The following ADGRG2 variants were observed in gnomAD, a reference collection of about 807,000 sequenced individuals.
ADGRG2 encodes adhesion G protein-coupled receptor G2, also known as G protein-coupled receptor 64.
A neutral mutation model predicts 74.1 loss-of-function variants in ADGRG2; 26 were observed. That is an observed-to-expected ratio of 0.35 (90% confidence interval 0.26 to 0.49). The LOEUF is 0.49. ADGRG2 is among the 20% of genes least tolerant of loss of function. ADGRG2 has a pLI of 0.99. For missense variants in ADGRG2, 619 were observed against 763.1 expected (o/e 0.81, Z 2.22); for synonymous variants, 296 against 295.2 (o/e 1.00, Z -0.03).
At chrX:19,044,411 G>A (rs753786905) in intron 3 of ADGRG2, among the ~76,000 whole-genome samples, 1 of 111,609 alleles carries the variant, frequency 9.0e-6, no homozygotes, top group South Asian at 3.8e-4. Context: ...AGTAGTCCAC[G>A]ATAATCTCAT....
At chrX:19,087,143 C>G (rs1471294866) in intron 1 of ADGRG2, among the ~76,000 whole-genome samples, 1 of 111,615 alleles carries the variant, frequency 9.0e-6, no homozygotes, top group Non-Finnish European at 1.9e-5. Context: ...CTGATCAGAC[C>G]CTGCCTAATA....
intron 2 of ADGRG2, among the ~76,000 whole-genome samples, chrX:19,081,807 G>A (rs1298185818): frequency 9.0e-6 from 1 of 111,055 alleles, no homozygotes; most frequent in Admixed American, 9.6e-5. Flanking sequence ...GGGTACAGTG[G>A]CTCAGGCCTG....
chrX:19,103,328 G>A (rs968296786), intron 1 of ADGRG2, among the ~76,000 whole-genome samples: 1 of 111,812 alleles, frequency 8.9e-6, no homozygotes, highest in Non-Finnish European at 1.9e-5. Flanking sequence ...AAAAGGGGAG[G>A]AACTCTCAGT....
chrX:19,010,760 C>T lies in ADGRG2; in HGVS notation c.1118G>A (p.Ser373Asn). The change falls in exon 17 of 29, where the codon AGT (serine) becomes AAT (asparagine). Residue 373 changes from serine to asparagine, a missense_variant. Ser to Asn is a conservative substitution (Grantham distance 46). Transcript: ENST00000379869. ...CACTTGGTTCTCAAGATCAGAAATACTGCTGGTGTTGACGATGTCTATATC... is the reference window on the plus strand; with the variant it reads ...CACTTGGTTCTCAAGATCAGAAATATTGCTGGTGTTGACGATGTCTATATC... ...PVQTDIVNTS[S>N]ISDLENQVLQ... 1 of 1,198,946 alleles carries T rather than the reference C, an allele frequency of 8.3e-7. No individual in the cohort carries two copies. The highest frequency in any genetic ancestry group is 1.1e-6 in the Non-Finnish European group (1 of 887,220).
At chrX:18,995,989 T>C in intron 27 of ADGRG2, 62 bp downstream of exon 27, 1 of 611,549 alleles carries the variant, frequency 1.6e-6, no homozygotes, top group East Asian at 3.3e-5. Context: ...CTTTGGATCT[T>C]AATTTATACA....
intron 2 of ADGRG2, among the ~76,000 whole-genome samples, chrX:19,074,755 GA>G (rs1226595925): frequency 9.4e-6 from 1 of 106,950 alleles, no homozygotes; most frequent in African/African-American, 3.4e-5. Context: ...ATTTTTAGTA[GA>G]GATGGGGTTT....
intron 2 of ADGRG2, among the ~76,000 whole-genome samples, chrX:19,069,704 G>A (rs907799713): frequency 7.2e-5 from 8 of 110,983 alleles, no homozygotes; most frequent in African/African-American, 2.6e-4. Flanking sequence ...GTGCGACTTC[G>A]GAGGAGTTCA....
At chrX:19,081,024 C>T (rs1399165709) in intron 2 of ADGRG2, among the ~76,000 whole-genome samples, 1 of 110,778 alleles carries the variant, frequency 9.0e-6, no homozygotes, top group East Asian at 2.8e-4. Context: ...AAAAACAAGG[C>T]AGATATCTTT....
intron 2 of ADGRG2, among the ~76,000 whole-genome samples, chrX:19,078,740 C>A (rs1305971902): frequency 1.9e-5 from 2 of 105,483 alleles, no homozygotes; most frequent in Admixed American, 2.1e-4. Flanking sequence ...TGAAAAAGTA[C>A]AGCAAAATAA....
intron 1 of ADGRG2, among the ~76,000 whole-genome samples, chrX:19,086,110 T>C (rs1465474207): frequency 9.0e-6 from 1 of 111,587 alleles, no homozygotes; most frequent in Admixed American, 9.5e-5. Flanking sequence ...AGTCCACAGA[T>C]CCCTCCTTGC....
intron 1 of ADGRG2, among the ~76,000 whole-genome samples, chrX:19,117,284 ACT>A (rs1287731117): frequency 9.3e-6 from 1 of 107,380 alleles, no homozygotes; most frequent in Non-Finnish European, 1.9e-5. Context: ...ACAGAGTGAG[ACT>A]CTGTCTCAAA....
At chrX:19,054,071 C>A (rs1256907449) in intron 3 of ADGRG2, among the ~76,000 whole-genome samples, 1 of 111,942 alleles carries the variant, frequency 8.9e-6, no homozygotes, top group African/African-American at 3.2e-5. Context: ...GGGAATACAG[C>A]CAAACCATAT....
chrX:19,023,337 A>G, intron 13 of ADGRG2, 79 bp downstream of exon 13: 1 of 566,805 alleles, frequency 1.8e-6, no homozygotes, highest in Non-Finnish European at 2.8e-6. Context: ...TTGCATTTGC[A>G]ATTTAACTAA....
chrX:19,024,252 G>A (rs906649551), intron 11 of ADGRG2, among the ~76,000 whole-genome samples: 1 of 111,398 alleles, frequency 9.0e-6, no homozygotes, highest in African/African-American at 3.3e-5. Context: ...TCTGGCAGAG[G>A]GTCAGAGGGA....
At chrX:19,040,338 TA>T (rs1299866511) in intron 3 of ADGRG2, 114 bp from the exon 4 acceptor site, 94 of 457,063 alleles carry the variant, frequency 2.1e-4, no homozygotes, top group Middle Eastern at 6.0e-4. Context: ...CTCATGTCAC[TA>T]AAAAAAAGTA....
Position 19,112,574 on chromosome X carries a change from T to C in ADGRG2, c.-47+9868A>G, listed in dbSNP as rs981901738. ...GAAGGATATAATGTCATCCACGCAG[T>C]GTTCAGGCTAAAAATGCATAACCTG... On this transcript the variant is annotated intron_variant, in intron 1 of 28. Coordinates refer to ENST00000379869, the MANE Select transcript of ADGRG2 (RefSeq NM_001079858.3). 2.8e-5 allele frequency among the ~76,000 whole-genome samples: 3 copies of C among 107,536 alleles called. No homozygotes were observed. In the Admixed American group the frequency reaches 3.0e-4, roughly 11 times the overall value. The allele number at this position is 107,536 out of a possible 115,157, so 93.4% of individuals were successfully genotyped here.
intron 15 of ADGRG2, among the ~76,000 whole-genome samples, chrX:19,018,360 C>G (rs2060512525): frequency 9.1e-6 from 1 of 110,261 alleles, no homozygotes; most frequent in Admixed American, 9.8e-5. Context: ...TGAGCTCAAG[C>G]AGTTCTCCTA....
intron 3 of ADGRG2, among the ~76,000 whole-genome samples, chrX:19,049,454 T>TTG (rs2061268294): frequency 9.6e-6 from 1 of 104,544 alleles, no homozygotes; most frequent in African/African-American, 3.6e-5. Flanking sequence ...TTTTTTTTTT[T>TTG]TTTGTTGTTG....
chrX:19,099,092 G>A (rs2062145986), intron 1 of ADGRG2, among the ~76,000 whole-genome samples: 1 of 111,502 alleles, frequency 9.0e-6, no homozygotes, highest in Non-Finnish European at 1.9e-5. Context: ...GGTAAGGCAG[G>A]AGAACTGCTT....
Sources: gnomAD v4.1 joint callset for allele counts (sites outside exome capture counted in the v4.1 genomes callset) on GRCh38, gnomAD v4.1.1 for gene constraint, MANE v1.5 for transcripts, NCBI Gene and HGNC (gene_info 2026-07-23, HGNC 2026-07-21) for gene names.